Variants in FBXL13 observed in about 807,000 individuals in gnomAD.
FBXL13 encodes the protein F-box and leucine rich repeat protein 13, also known as F-box and leucine-rich repeat protein 13.
Under a neutral mutation model 83.6 loss-of-function variants are expected in FBXL13, and 67 were observed. That is an observed-to-expected ratio of 0.80 (90% CI 0.66 to 0.98). The LOEUF is 0.98. Ranked by LOEUF, FBXL13 falls within the 50% of genes least tolerant of loss-of-function variation. The pLI, the probability that FBXL13 is intolerant of heterozygous loss-of-function variation, is 0.00. For synonymous variants in FBXL13, 272 were observed against 299.5 expected, an observed-to-expected ratio of 0.91 and a Z score of 0.95; for missense variants, 822 against 866.5, an observed-to-expected ratio of 0.95 and a Z score of 0.64.
chr7:102,857,599 A>C (rs1806215370), intron 16 of FBXL13: 1 of 152,460 alleles, frequency 6.6e-6, no homozygotes. Context: ...GTCAAAGAGG[A>C]TAGCCAACCC....
At chr7:102,946,650 T>TTTTATTTATTTATTTA (rs10570570) in intron 8 of FBXL13, among the ~76,000 whole-genome samples, 73 of 140,984 alleles carry the variant, frequency 5.2e-4, no homozygotes, top group African/African-American at 1.6e-3. Context: ...TCTATTTTTA[T>TTTTATTTATTTATTTA]TTTATTTATT....
intron 8 of FBXL13, among the ~76,000 whole-genome samples, chr7:102,938,209 A>C (rs560519074): frequency 6.6e-6 from 1 of 152,244 alleles, no homozygotes; most frequent in South Asian, 2.1e-4. Context: ...TTAGCTTCAC[A>C]TTGACCAGAA....
chr7:103,006,760 A>G (rs977150128), intron 6 of FBXL13, among the ~76,000 whole-genome samples: 1 of 152,158 alleles, frequency 6.6e-6, no homozygotes, highest in Non-Finnish European at 1.5e-5. Flanking sequence ...ACTAAGAGAG[A>G]AACCAAAAAT....
intron 18 of FBXL13, among the ~76,000 whole-genome samples, chr7:102,826,769 A>ATATATATATATATGTATG (rs1414065543): frequency 6.0e-5 from 6 of 100,742 alleles, no homozygotes; most frequent in African/African-American, 1.5e-4. Flanking sequence ...ATATATATAT[A>ATATATATATATATGTATG]TATGTATATA....
chr7:102,845,870 G>A (rs184274249), intron 17 of FBXL13, among the ~76,000 whole-genome samples: 2 of 152,222 alleles, frequency 1.3e-5, no homozygotes, highest in Admixed American at 6.5e-5. Flanking sequence ...TAGGTACCTC[G>A]CCTGAATCCT....
At chr7:102,878,244 T>G (rs926091777) in intron 15 of FBXL13, 87 bp downstream of exon 16, 20 of 1,197,266 alleles carry the variant, frequency 1.7e-5, no homozygotes, top group Non-Finnish European at 2.1e-5. Flanking sequence ...CCAAATGTCA[T>G]GAAATCTTTG....
chr7:102,940,635 G>C (rs1454146046), intron 8 of FBXL13, among the ~76,000 whole-genome samples: 1 of 152,176 alleles, frequency 6.6e-6, no homozygotes, highest in Non-Finnish European at 1.5e-5. Flanking sequence ...AGGATAAAAT[G>C]TGCTCAAACC....
At chr7:102,908,548 C>T (rs1437091546) in intron 11 of FBXL13, among the ~76,000 whole-genome samples, 2 of 152,198 alleles carry the variant, frequency 1.3e-5, no homozygotes, top group African/African-American at 4.8e-5. Flanking sequence ...AGCCATCCTT[C>T]TTGGGAAGGC....
chr7:103,004,899 T>C (rs185422813), intron 6 of FBXL13, among the ~76,000 whole-genome samples: 1 of 152,322 alleles, frequency 6.6e-6, no homozygotes, highest in African/African-American at 2.4e-5. Context: ...TTGGAGACGT[T>C]ACTCCTTCAA....
chr7:102,987,672 T>A (rs2075831052), intron 6 of FBXL13, among the ~76,000 whole-genome samples: 1 of 152,236 alleles, frequency 6.6e-6, no homozygotes, highest in African/African-American at 2.4e-5. Flanking sequence ...TGAAAACGCA[T>A]CTTGAGTGGG....
intron 18 of FBXL13, among the ~76,000 whole-genome samples, chr7:102,829,025 A>T (rs1352590402): frequency 1.3e-5 from 2 of 152,208 alleles, no homozygotes; most frequent in Admixed American, 6.5e-5. Context: ...TGACTGGAAC[A>T]GCCAGGCTCT....
intron 17 of FBXL13, among the ~76,000 whole-genome samples, chr7:102,851,527 TCTC>T (rs982935922): frequency 5.1e-5 from 7 of 138,524 alleles, no homozygotes; most frequent in African/African-American, 8.0e-5. Context: ...TTCCTCCTCC[TCTC>T]CTCCTCTTCC....
chr7:102,879,974 G>A (rs979802586), intron 14 of FBXL13, among the ~76,000 whole-genome samples: 15 of 152,224 alleles, frequency 9.9e-5, no homozygotes, highest in Non-Finnish European at 2.1e-4. Context: ...CCAAAGTGCT[G>A]GGATTACAGG....
intron 17 of FBXL13, among the ~76,000 whole-genome samples, chr7:102,837,839 A>G (rs1421149557): frequency 2.0e-5 from 3 of 152,248 alleles, no homozygotes; most frequent in Non-Finnish European, 4.4e-5. Context: ...CACTACGCCC[A>G]GGCAACTTTC....
At chr7:103,055,680 A>T in exon 2 of FBXL13, 1 of 1,285,576 alleles carries the variant, frequency 7.8e-7, no homozygotes, top group Non-Finnish European at 1.0e-6. Context: ...GATTATAACC[A>T]TGATCATTCC....
intron 2 of FBXL13, among the ~76,000 whole-genome samples, chr7:103,040,352 T>G (rs1795532906): frequency 6.6e-6 from 1 of 152,106 alleles, no homozygotes; most frequent in Non-Finnish European, 1.5e-5. Context: ...ACAAAGAGAC[T>G]TAGACTCCCA....
intron 9 of FBXL13, among the ~76,000 whole-genome samples, chr7:102,931,498 A>C (rs145823557): frequency 1.3e-5 from 2 of 152,300 alleles, no homozygotes; most frequent in East Asian, 3.9e-4. Flanking sequence ...ACCAGGAAGA[A>C]AGCAACTAGG....
intron 2 of FBXL13, among the ~76,000 whole-genome samples, chr7:103,041,348 AAAG>A (rs1795670295): frequency 6.6e-6 from 1 of 152,212 alleles, no homozygotes; most frequent in Non-Finnish European, 1.5e-5. Flanking sequence ...CCAACCAAAA[AAAG>A]ACCAGGACCA....
chr7:103,020,186 A>G (rs1792962922), intron 6 of FBXL13, among the ~76,000 whole-genome samples: 1 of 152,234 alleles, frequency 6.6e-6, no homozygotes, highest in South Asian at 2.1e-4. Flanking sequence ...AAATCAATAA[A>G]CATAGTCCAG....
Sources: allele counts gnomAD v4.1 joint callset (sites outside exome capture counted in the v4.1 genomes callset), GRCh38; gene constraint gnomAD v4.1.1; transcripts MANE v1.5; gene names NCBI Gene and HGNC (gene_info 2026-07-23, HGNC 2026-07-21).